The following DSCAM variants were observed in gnomAD, a reference collection of about 807,000 sequenced individuals.
DSCAM encodes the protein DS cell adhesion molecule.
A neutral mutation model predicts 217.7 loss-of-function variants in DSCAM; 47 were observed. The ratio of observed to expected loss-of-function variants is 0.22; its 90% CI spans 0.17 to 0.28. The LOEUF (loss-of-function observed/expected upper bound fraction) is 0.28, where lower values mean the gene tolerates loss of function less well. DSCAM is among the 10% of genes least tolerant of loss of function. The pLI is 1.00. For synonymous variants in DSCAM, 1,056 were observed against 1,015.3 expected, an observed-to-expected ratio of 1.04 and a Z score of -0.76; for missense variants, 2,080 against 2,618.3, an observed-to-expected ratio of 0.79 and a Z score of 4.49.
intron 1 of DSCAM, among the ~76,000 whole-genome samples, chr21:40,757,651 C>A (rs1258885352): frequency 6.6e-6 from 1 of 152,214 alleles, no homozygotes; most frequent in Non-Finnish European, 1.5e-5. Context: ...TGCTGAGGCC[C>A]AGTTGTGCCT....
chr21:40,756,976 C>CGT (rs1555886227), intron 1 of DSCAM, among the ~76,000 whole-genome samples: 1,546 of 149,688 alleles, frequency 0.01, 19 homozygotes, highest in Non-Finnish European at 0.015. Flanking sequence ...AACAAATGGT[C>CGT]GTGTGTGTGT....
At chr21:40,380,710 T>C (rs2075011348) in intron 3 of DSCAM, among the ~76,000 whole-genome samples, 1 of 151,996 alleles carries the variant, frequency 6.6e-6, no homozygotes, top group African/African-American at 2.4e-5. Context: ...AAAGGAAAAG[T>C]ATGTTTGAGG....
intron 3 of DSCAM, among the ~76,000 whole-genome samples, chr21:40,613,009 G>C (rs541015046): frequency 6.6e-5 from 10 of 152,186 alleles, no homozygotes; most frequent in African/African-American, 2.2e-4. Context: ...CAAGAGTATT[G>C]GTGGCCACTT....
At chr21:40,435,704 G>A (rs2075576770) in intron 3 of DSCAM, among the ~76,000 whole-genome samples, 1 of 152,166 alleles carries the variant, frequency 6.6e-6, no homozygotes, top group African/African-American at 2.4e-5. Context: ...ATTTGTGTGG[G>A]TCTATTTCTG....
At chr21:40,021,205 C>CAAAAAAAA (rs763435750) in intron 32 of DSCAM, among the ~76,000 whole-genome samples, 6 of 85,078 alleles carry the variant, frequency 7.1e-5, no homozygotes, top group Admixed American at 1.4e-4. Flanking sequence ...GACTCCGTCT[C>CAAAAAAAA]AAAAAAAAAA....
At chr21:40,510,635 A>C (rs536362219) in intron 3 of DSCAM, among the ~76,000 whole-genome samples, 1 of 152,358 alleles carries the variant, frequency 6.6e-6, no homozygotes, top group East Asian at 1.9e-4. Context: ...AACTCCTCAC[A>C]CCAGAGCTGT....
chr21:40,457,926 A>C (rs2075776721), intron 3 of DSCAM, among the ~76,000 whole-genome samples: 1 of 152,242 alleles, frequency 6.6e-6, no homozygotes, highest in African/African-American at 2.4e-5. Context: ...CCTGTGACAA[A>C]GCATGGCCCT....
chr21:40,240,617 C>T (rs1246089160), intron 11 of DSCAM, among the ~76,000 whole-genome samples: 1 of 152,000 alleles, frequency 6.6e-6, no homozygotes, highest in Non-Finnish European at 1.5e-5. Context: ...TTCCCCATTC[C>T]CGTCCTTTCC....
At chr21:40,307,316 A>G (rs1031628784) in intron 9 of DSCAM, among the ~76,000 whole-genome samples, 4 of 152,178 alleles carry the variant, frequency 2.6e-5, no homozygotes, top group African/African-American at 9.7e-5. Context: ...TATGCAGCCA[A>G]AAAACACATG....
chr21:40,711,463 C>T (rs781274426), intron 1 of DSCAM, among the ~76,000 whole-genome samples: 33 of 152,146 alleles, frequency 2.2e-4, no homozygotes, highest in Non-Finnish European at 4.6e-4. Flanking sequence ...TGGTCTCCAC[C>T]CTGCTGTTAG....
At chr21:40,399,523 G>T (rs758806155) in intron 3 of DSCAM, among the ~76,000 whole-genome samples, 3 of 152,076 alleles carry the variant, frequency 2.0e-5, no homozygotes, top group Non-Finnish European at 4.4e-5. Context: ...TTTATATTTC[G>T]CTGTGTTTCA....
chr21:40,382,204 T>G (rs2075033634), intron 3 of DSCAM, among the ~76,000 whole-genome samples: 1 of 152,170 alleles, frequency 6.6e-6, no homozygotes, highest in Admixed American at 6.6e-5. Context: ...GATTCCTGCT[T>G]TAGCAAGTCC....
intron 3 of DSCAM, among the ~76,000 whole-genome samples, chr21:40,583,829 G>A (rs1568921330): frequency 6.7e-6 from 1 of 149,162 alleles, no homozygotes; most frequent in Non-Finnish European, 1.5e-5. Context: ...TGTGGGATCA[G>A]GGGTGTACAG....
At chr21:40,066,978 C>T (rs533965782) in intron 27 of DSCAM, among the ~76,000 whole-genome samples, 20 of 152,242 alleles carry the variant, frequency 1.3e-4, no homozygotes, top group African/African-American at 4.6e-4. Context: ...CTTTGACTTA[C>T]GATTACCTCC....
intron 1 of DSCAM, among the ~76,000 whole-genome samples, chr21:40,779,596 A>T (rs1488999969): frequency 1.3e-5 from 2 of 152,188 alleles, no homozygotes; most frequent in Non-Finnish European, 2.9e-5. Context: ...AGGAAGACAA[A>T]TGGTATAAAA....
At chr21:40,066,295 C>A (rs2089205947) in intron 27 of DSCAM, among the ~76,000 whole-genome samples, 1 of 152,268 alleles carries the variant, frequency 6.6e-6, no homozygotes, top group African/African-American at 2.4e-5. Flanking sequence ...TCTTCCTTTT[C>A]TTGTGCAGAA....
intron 1 of DSCAM, among the ~76,000 whole-genome samples, chr21:40,831,311 ACACACACAGG>A (rs976667935): frequency 1.3e-5 from 2 of 152,168 alleles, no homozygotes; most frequent in African/African-American, 2.4e-5. Flanking sequence ...AGGTATGCAC[ACACACACAGG>A]CACACACAGG....
chr21:40,448,200 A>G (rs1331647133), intron 3 of DSCAM, among the ~76,000 whole-genome samples: 1 of 152,176 alleles, frequency 6.6e-6, no homozygotes, highest in Non-Finnish European at 1.5e-5. Context: ...ATGTTTTTGG[A>G]AGAAATCAGC....
chr21:40,321,111 C>T (rs2074254496), intron 8 of DSCAM, among the ~76,000 whole-genome samples: 1 of 152,182 alleles, frequency 6.6e-6, no homozygotes, highest in African/African-American at 2.4e-5. Flanking sequence ...AAAGGAATGT[C>T]TCTTACTAAT....
Sources: gnomAD v4.1 joint callset for allele counts (sites outside exome capture counted in the v4.1 genomes callset) on GRCh38, gnomAD v4.1.1 for gene constraint, MANE v1.5 for transcripts, NCBI Gene and HGNC (gene_info 2026-07-23, HGNC 2026-07-21) for gene names.